UBE2E2: variants seen among roughly 807,000 people sequenced by gnomAD.
The protein encoded by UBE2E2 is ubiquitin-conjugating enzyme E2 E2.
A neutral mutation model predicts 24.7 loss-of-function variants in UBE2E2; 6 were observed. The ratio of observed to expected loss-of-function variants is 0.24; its 90% confidence interval spans 0.13 to 0.48. UBE2E2 has a LOEUF of 0.48. Among genes scored for constraint, UBE2E2 ranks in the 20% least tolerant of loss-of-function variants. UBE2E2 has a pLI of 0.99. For synonymous variants in UBE2E2, 104 were observed against 83.6 expected (o/e 1.24, Z -1.33); for missense variants, 169 against 245.0 (o/e 0.69, Z 2.07).
rs201663345 is a variant in UBE2E2 at position 23,247,357 on chromosome 3, AT to A, written c.227+30061del. ...TACATATTATTTAGTCTCTGAGTGT[AT>A]TTTTTTTTTTTTTTTGAGACGGAGT... On this transcript the variant is annotated intron_variant, in intron 3 of 5. Coordinates refer to ENST00000396703, the MANE Select transcript of UBE2E2 (RefSeq NM_152653.4). 4.0e-3 allele frequency among the ~76,000 whole-genome samples: 549 copies of A among 138,648 alleles called. 1 individual carries two copies. The highest frequency in any genetic ancestry group is 7.1e-3 in the African/African-American group (269 of 38,012). The allele number at this position is 138,648 out of a possible 152,430, so 91.0% of individuals were successfully genotyped here. A position where few individuals can be genotyped will look rare whatever the true frequency, so the allele number is the denominator to read the frequency against.
At chr3:23,388,749 G>A (rs750877249) in intron 3 of UBE2E2, among the ~76,000 whole-genome samples, 1 of 152,138 alleles carries the variant, frequency 6.6e-6, no homozygotes, top group Non-Finnish European at 1.5e-5. Flanking sequence ...GCTCACGCCT[G>A]TAATCCCAGT....
intron 5 of UBE2E2, among the ~76,000 whole-genome samples, chr3:23,557,300 G>A (rs569136619): frequency 4.6e-5 from 7 of 152,226 alleles, no homozygotes; most frequent in South Asian, 2.1e-4. Flanking sequence ...TTACTGTTGC[G>A]CATTTTGTAT....
At chr3:23,453,125 C>A (rs1001637809) in intron 3 of UBE2E2, among the ~76,000 whole-genome samples, 2 of 152,146 alleles carry the variant, frequency 1.3e-5, no homozygotes. Flanking sequence ...GGCTTAGGCA[C>A]CGAAGTTTGA....
intron 3 of UBE2E2, among the ~76,000 whole-genome samples, chr3:23,341,706 C>A (rs1239394500): frequency 6.6e-6 from 1 of 151,942 alleles, no homozygotes; most frequent in African/African-American, 2.4e-5. Context: ...TCCTTCTTCT[C>A]GTTCTTTTTT....
At chr3:23,578,051 C>T (rs1233363712) in intron 5 of UBE2E2, among the ~76,000 whole-genome samples, 1 of 149,088 alleles carries the variant, frequency 6.7e-6, no homozygotes, top group Non-Finnish European at 1.5e-5. Context: ...TACTAGTACT[C>T]AAAGATCTAA....
At chr3:23,341,239 C>G (rs1695380706) in intron 3 of UBE2E2, among the ~76,000 whole-genome samples, 1 of 152,080 alleles carries the variant, frequency 6.6e-6, no homozygotes, top group Admixed American at 6.6e-5. Context: ...GGTGATGTTC[C>G]TTATAGTAAC....
At chr3:23,541,576 A>G (rs1158087828) in intron 5 of UBE2E2, among the ~76,000 whole-genome samples, 1 of 152,220 alleles carries the variant, frequency 6.6e-6, no homozygotes, top group Non-Finnish European at 1.5e-5. Flanking sequence ...AAAAATTACA[A>G]ATCAGAATAT....
chr3:23,271,955 C>T (rs571578000), intron 3 of UBE2E2, among the ~76,000 whole-genome samples: 2 of 152,230 alleles, frequency 1.3e-5, no homozygotes, highest in African/African-American at 2.4e-5. Flanking sequence ...ACTCAGGAGC[C>T]CAGCTGGCTT....
At chr3:23,299,062 T>C (rs1698998168) in intron 3 of UBE2E2, among the ~76,000 whole-genome samples, 1 of 152,234 alleles carries the variant, frequency 6.6e-6, no homozygotes, top group Non-Finnish European at 1.5e-5. Context: ...CCAGATTTTC[T>C]AGTTTATTTG....
chr3:23,385,127 C>T (rs1263414522), intron 3 of UBE2E2, among the ~76,000 whole-genome samples: 1 of 152,102 alleles, frequency 6.6e-6, no homozygotes, highest in Non-Finnish European at 1.5e-5. Context: ...TGGTTGTTAA[C>T]TGCTTTAAAG....
intron 5 of UBE2E2, chr3:23,534,167 T>C (rs1413390075): frequency 1.2e-6 from 1 of 867,924 alleles, no homozygotes; most frequent in African/African-American, 2.1e-5. Context: ...TTTCGAAGCC[T>C]GGCCTGCTTT....
intron 3 of UBE2E2, among the ~76,000 whole-genome samples, chr3:23,317,775 G>A (rs1459446932): frequency 1.3e-5 from 2 of 152,020 alleles, no homozygotes; most frequent in Non-Finnish European, 2.9e-5. Flanking sequence ...CCCACGACAT[G>A]TGGGAATTCA....
rs1694388332 is a variant in UBE2E2 at position 23,504,623 on chromosome 3, C to A, written c.360+4883C>A. On this transcript the variant is annotated intron_variant, in intron 4 of 5. Transcript: ENST00000396703. ...TAGGATTTTAAGTCTTTTTTACTGG[C>A]AATAGATGAAAAGTCGTATCTTATG... 3.3e-5 allele frequency among the ~76,000 whole-genome samples: 5 copies of A among 152,090 alleles called. No homozygotes were observed. The South Asian group carries it at 1.0e-3, about 32-fold the overall frequency.
chr3:23,504,479 C>T (rs1319689831), intron 4 of UBE2E2, among the ~76,000 whole-genome samples: 1 of 152,078 alleles, frequency 6.6e-6, no homozygotes, highest in African/African-American at 2.4e-5. Context: ...AAAGAGTTTG[C>T]ACGTGTTTAT....
At chr3:23,581,002 T>C (rs1406174515) in intron 5 of UBE2E2, among the ~76,000 whole-genome samples, 1 of 152,250 alleles carries the variant, frequency 6.6e-6, no homozygotes, top group Non-Finnish European at 1.5e-5. Context: ...AAACACGTTT[T>C]GCATATGGCA....
chr3:23,563,171 A>G (rs1321501907), intron 5 of UBE2E2, among the ~76,000 whole-genome samples: 6 of 152,038 alleles, frequency 3.9e-5, no homozygotes, highest in Non-Finnish European at 5.9e-5. Context: ...TAGGGTGTCA[A>G]TTTTAGATCT....
intron 3 of UBE2E2, among the ~76,000 whole-genome samples, chr3:23,402,183 A>G (rs1575607202): frequency 6.6e-6 from 1 of 152,096 alleles, no homozygotes; most frequent in South Asian, 2.1e-4. Context: ...TATTTCTCCC[A>G]TTTGTCTCTC....
chr3:23,472,426 G>A (rs773989880), intron 3 of UBE2E2, among the ~76,000 whole-genome samples: 7 of 152,098 alleles, frequency 4.6e-5, no homozygotes, highest in Non-Finnish European at 8.8e-5. Context: ...CCTGGCCACC[G>A]ACAAGGGGTA....
chr3:23,309,435 C>G (rs901296242), intron 3 of UBE2E2, among the ~76,000 whole-genome samples: 2 of 152,156 alleles, frequency 1.3e-5, no homozygotes, highest in Non-Finnish European at 2.9e-5. Context: ...ATCAGCCGGG[C>G]CTGGGGCTAT....
Sources: allele counts gnomAD v4.1 joint callset (sites outside exome capture counted in the v4.1 genomes callset), GRCh38; gene constraint gnomAD v4.1.1; transcripts MANE v1.5; gene names NCBI Gene and HGNC (gene_info 2026-07-23, HGNC 2026-07-21).